CDC40: variants seen among roughly 807,000 people sequenced by gnomAD.
CDC40 encodes cell division cycle 40.
Under a neutral mutation model 80.6 loss-of-function variants are expected in CDC40, and 27 were observed. The observed-to-expected ratio is 0.33, with a 90% confidence interval of 0.25 to 0.46. The LOEUF (loss-of-function observed/expected upper bound fraction) is 0.46. CDC40 is among the 20% of genes least tolerant of loss of function. The probability of loss-of-function intolerance (pLI) is 1.00; values close to 1 mark genes in which losing one functional copy is unlikely to be tolerated. For synonymous variants in CDC40, 221 were observed against 232.6 expected (o/e 0.95, Z 0.45); for missense variants, 486 against 694.1 (o/e 0.70, Z 3.37).
Position 110,232,160 on chromosome 6 carries a change from G to A in CDC40, c.*2029G>A, listed in dbSNP as rs1250319603. ...GTTTTTGACTGTTTCTAAAGTAAGT[G>A]TGTATAAAAGTCTCCTTTTTAAAAA... On this transcript the variant is annotated 3_prime_UTR_variant, in exon 15 of 15. Coordinates refer to ENST00000307731, the MANE Select transcript of CDC40 (RefSeq NM_015891.3). The A allele has an allele frequency of 2.0e-5, 3 of 152,416 alleles. No individual in the cohort carries two copies. Among genetic ancestry groups the A allele is most frequent in the Non-Finnish European group, 4.4e-5 (3 of 68,038 alleles). 9.4% of individuals were successfully genotyped at this position (152,416 alleles called of 1,614,324 possible).
chr6:110,185,398 A>G (rs1777254606), intron 1 of CDC40, among the ~76,000 whole-genome samples: 1 of 150,322 alleles, frequency 6.7e-6, no homozygotes, highest in Non-Finnish European at 1.5e-5. Flanking sequence ...GCCCGCCACT[A>G]CGCCCGGCTA....
chr6:110,196,043 T>TA (rs1273435714), intron 2 of CDC40, among the ~76,000 whole-genome samples: 1 of 152,196 alleles, frequency 6.6e-6, no homozygotes, highest in Non-Finnish European at 1.5e-5. Flanking sequence ...GTATGCCAGG[T>TA]ACCATACTGA....
At chr6:110,211,727 ATTTTG>A (rs1777639492) in intron 6 of CDC40, 1 of 154,066 alleles carries the variant, frequency 6.5e-6, no homozygotes, top group African/African-American at 2.4e-5. Context: ...TAGTTGATAT[ATTTTG>A]TTTTGTTTTA....
At chr6:110,218,202 G>T (rs1777724850) in intron 10 of CDC40, among the ~76,000 whole-genome samples, 1 of 152,066 alleles carries the variant, frequency 6.6e-6, no homozygotes, top group East Asian at 1.9e-4. Context: ...ACTTTCACAG[G>T]CCAGTTGGTT....
At chr6:110,214,981 T>C (rs1345191330) in intron 8 of CDC40, among the ~76,000 whole-genome samples, 1 of 152,218 alleles carries the variant, frequency 6.6e-6, no homozygotes, top group Non-Finnish European at 1.5e-5. Flanking sequence ...AAGAACAATA[T>C]GAAAATGAAA....
At chr6:110,203,342 T>C (rs1777516809) in intron 3 of CDC40, among the ~76,000 whole-genome samples, 1 of 152,236 alleles carries the variant, frequency 6.6e-6, no homozygotes, top group African/African-American at 2.4e-5. Context: ...ACCAGATTCC[T>C]ATCAACTTTT....
intron 12 of CDC40, 152 bp from the exon 13 acceptor site, chr6:110,226,015 T>C (rs1225459726): frequency 1.7e-6 from 1 of 580,818 alleles, no homozygotes; most frequent in Non-Finnish European, 3.0e-6. Context: ...ATCTTGTGAT[T>C]TTTCTTCTTC....
chr6:110,210,604 C>T (rs566154205), intron 5 of CDC40, 103 bp from the exon 6 acceptor site: 7 of 399,066 alleles, frequency 1.8e-5, no homozygotes, highest in Admixed American at 9.6e-5. Flanking sequence ...GGAACATACT[C>T]GGACCAGATA....
intron 1 of CDC40, among the ~76,000 whole-genome samples, chr6:110,184,625 T>C (rs556116749): frequency 5.9e-5 from 9 of 152,294 alleles, no homozygotes; most frequent in African/African-American, 2.2e-4. Flanking sequence ...CTTTTATTTA[T>C]TGTTCTTGCC....
At chr6:110,193,520 T>C (rs563606583) in intron 2 of CDC40, among the ~76,000 whole-genome samples, 1 of 152,242 alleles carries the variant, frequency 6.6e-6, no homozygotes, top group South Asian at 2.1e-4. Flanking sequence ...TTCTCCTGCC[T>C]CAGCCTCCCG....
intron 1 of CDC40, among the ~76,000 whole-genome samples, chr6:110,192,102 C>T (rs1353468578): frequency 1.3e-5 from 2 of 152,064 alleles, no homozygotes; most frequent in African/African-American, 4.8e-5. Flanking sequence ...GGGGAGGTTA[C>T]TGGGGGGTTT....
At chr6:110,204,371 A>G (rs1777534888) in intron 3 of CDC40, among the ~76,000 whole-genome samples, 1 of 152,210 alleles carries the variant, frequency 6.6e-6, no homozygotes, top group African/African-American at 2.4e-5. Context: ...TATAATTTTT[A>G]AAAGAATTAC....
chr6:110,217,940 C>A lies in CDC40; in HGVS notation c.1090+137C>A. 3 of 532,834 alleles carry A rather than the reference C, an allele frequency of 5.6e-6. No individual in the cohort carries two copies. The Admixed American group carries it at 1.1e-4, about 19-fold the overall frequency. 33.0% of individuals were successfully genotyped at this position (532,834 alleles called of 1,614,324 possible). A position where few individuals can be genotyped will look rare whatever the true frequency, so the allele number is the denominator to read the frequency against. On this transcript the variant is annotated intron_variant, in intron 10 of 14. Transcript: ENST00000307731. ...TACCATTCACTGTCAGCAAATATCA[C>A]AAAATACATTTGTAAGTCGAAACTG...
chr6:110,207,421 G>A (rs1437291818), intron 3 of CDC40, 85 bp from the exon 4 acceptor site: 3 of 656,494 alleles, frequency 4.6e-6, no homozygotes, highest in East Asian at 3.2e-5. Context: ...GAAAGAAAAT[G>A]TGAAATGTGT....
intron 4 of CDC40, among the ~76,000 whole-genome samples, 188 bp downstream of exon 4, chr6:110,207,777 G>A (rs545998898): frequency 2.0e-5 from 3 of 152,168 alleles, no homozygotes; most frequent in East Asian, 1.9e-4. Context: ...TGCTTTTGCC[G>A]CTTACTAGTT....
chr6:110,203,408 C>T lies in CDC40; in HGVS notation c.406+1721C>T, dbSNP rs971521151. 3.9e-5 allele frequency among the ~76,000 whole-genome samples: 6 copies of T among 152,142 alleles called. No individual in the cohort carries two copies. In the East Asian group the frequency reaches 9.7e-4, roughly 25 times the overall value. On this transcript the variant is annotated intron_variant, in intron 3 of 14. Transcript: ENST00000307731. Reference sequence around the variant, plus strand: ...CACATGAAATGTAAGGCTGTGAGACCTTTCCGTTACCTTCCCTCATTTGCA... The same window carrying T: ...CACATGAAATGTAAGGCTGTGAGACTTTTCCGTTACCTTCCCTCATTTGCA...
chr6:110,225,312 A>G (rs926793805), intron 12 of CDC40, among the ~76,000 whole-genome samples: 1 of 152,214 alleles, frequency 6.6e-6, no homozygotes, highest in South Asian at 2.1e-4. Flanking sequence ...GAAAAGCAAC[A>G]AGACGAAAAC....
intron 1 of CDC40, among the ~76,000 whole-genome samples, chr6:110,189,339 C>A (rs1777315903): frequency 6.6e-6 from 1 of 152,122 alleles, no homozygotes; most frequent in African/African-American, 2.4e-5. Context: ...ATAAACTCCA[C>A]AAGGGCAGGT....
In CDC40 at chr6:110,219,967, A is replaced by AT. The variant is rs1488764529; in HGVS notation, c.1340+104dup. On this transcript the variant is annotated intron_variant, in intron 12 of 14. Coordinates refer to ENST00000307731, the MANE Select transcript of CDC40 (RefSeq NM_015891.3). ...CCTGATAATATGCAACCATTTGAAT[A>AT]TTTTTTGCAACTGTGATCCTGGCTT... 9 of 1,305,756 alleles carry AT rather than the reference A, an allele frequency of 6.9e-6. No homozygotes were observed. The African/African-American group carries it at 1.0e-4, about 15-fold the overall frequency. 80.9% of individuals were successfully genotyped at this position (1,305,756 alleles called of 1,614,324 possible). A position where few individuals can be genotyped will look rare whatever the true frequency, so the allele number is the denominator to read the frequency against.
Sources: allele counts gnomAD v4.1 joint callset (sites outside exome capture counted in the v4.1 genomes callset), GRCh38; gene constraint gnomAD v4.1.1; transcripts MANE v1.5; gene names NCBI Gene and HGNC (gene_info 2026-07-23, HGNC 2026-07-21).